Variants in HERC6 observed in about 807,000 individuals in gnomAD.
The protein encoded by HERC6 is probable E3 ubiquitin-protein ligase HERC6.
A neutral mutation model predicts 114.5 loss-of-function variants in HERC6; 101 were observed. The observed-to-expected ratio is 0.88, with a 90% CI of 0.75 to 1.04. The LOEUF (loss-of-function observed/expected upper bound fraction) is 1.04. Among genes scored for constraint, HERC6 ranks in the 50% least tolerant of loss-of-function variants. HERC6 has a pLI of 0.00. For missense variants in HERC6, 1,133 were observed against 1,230.9 expected (o/e 0.92, Z 1.19); for synonymous variants, 408 against 436.2 (o/e 0.94, Z 0.81).
chr4:88,387,998 C>G, intron 3 of HERC6, among the ~76,000 whole-genome samples: 1 of 152,080 alleles, frequency 6.6e-6, no homozygotes, highest in Non-Finnish European at 1.5e-5. Flanking sequence ...TTGCATTTTG[C>G]CCTCAAAATT....
Position 88,413,353 on chromosome 4 carries a change from C to T in HERC6, c.1558+87C>T. On this transcript the variant is annotated intron_variant, in intron 12 of 22. Coordinates refer to ENST00000264346, the MANE Select transcript of HERC6 (RefSeq NM_017912.4). ...GTAGCAAATTTTGAATAGAAGATTTCAAAATAGACAAGTATTTGAGAACAT... is the reference window on the plus strand; with the variant it reads ...GTAGCAAATTTTGAATAGAAGATTTTAAAATAGACAAGTATTTGAGAACAT... 4 of 835,222 alleles carry T rather than the reference C, an allele frequency of 4.8e-6. No homozygotes were observed. In the South Asian group the frequency reaches 5.2e-5, roughly 11 times the overall value. The allele number at this position is 835,222 out of a possible 1,614,324, so 51.7% of individuals were successfully genotyped here.
intron 3 of HERC6, among the ~76,000 whole-genome samples, chr4:88,387,534 C>T (rs929894183): frequency 6.6e-6 from 1 of 152,192 alleles, no homozygotes; most frequent in Admixed American, 6.5e-5. Context: ...GGATTTGAAC[C>T]TATAGTGTTT....
At chr4:88,391,434 T>G (rs978498276) in intron 4 of HERC6, among the ~76,000 whole-genome samples, 2 of 152,242 alleles carry the variant, frequency 1.3e-5, no homozygotes, top group African/African-American at 2.4e-5. Context: ...TCGGTTTCCG[T>G]AACTTCACTC....
intron 11 of HERC6, 112 bp downstream of exon 11, chr4:88,408,729 G>A (rs999805479): frequency 2.5e-5 from 18 of 732,110 alleles, no homozygotes; most frequent in Admixed American, 1.0e-4. Context: ...AGTTCTTCCT[G>A]CCCACTGCAG....
At chr4:88,440,331 A>G in intron 22 of HERC6, 81 bp downstream of exon 22, 1 of 831,590 alleles carries the variant, frequency 1.2e-6, no homozygotes, top group Non-Finnish European at 1.9e-6. Context: ...AAGCCATTGA[A>G]GTGGCCTCAT....
At position 88,401,349 on chromosome 4, in the gene HERC6, C is replaced by T. The variant is rs865928698; in HGVS notation, c.1092+3140C>T. 1.5e-4 allele frequency among the ~76,000 whole-genome samples: 22 copies of T among 151,654 alleles called. No individual in the cohort carries two copies. The Middle Eastern group carries it at 0.017, about 117-fold the overall frequency. On this transcript the variant is annotated intron_variant, in intron 8 of 22. Coordinates refer to ENST00000264346, the MANE Select transcript of HERC6 (RefSeq NM_017912.4). Reference sequence around the variant, plus strand: ...CTCTACTAAAAATACAAAAATTAGCCGGGTGTGGTGGAGGGCACCTGTAAT... The same window carrying T: ...CTCTACTAAAAATACAAAAATTAGCTGGGTGTGGTGGAGGGCACCTGTAAT...
rs778673979 is a variant in HERC6 at position 88,408,517 on chromosome 4, T to C, written c.1275-7T>C. 35 of 1,565,564 alleles carry C rather than the reference T, an allele frequency of 2.2e-5. No homozygotes were observed. The highest frequency in any genetic ancestry group is 1.8e-5 in the Non-Finnish European group (21 of 1,144,566). ...TATGTGGTTTCTTGCATTTCTTGTA[T>C]CCAAAGAGGAACTGGAGAAACGACT... On this transcript the variant is annotated splice_polypyrimidine_tract_variant and splice_region_variant and intron_variant, in intron 10 of 22. Transcript: ENST00000264346.
At position 88,396,125 on chromosome 4, in the gene HERC6, G is replaced by T; in HGVS notation, c.870G>T (p.Ser290=). ...TGGAAAGAATTGATGGCCTAGTTTC[G>T]CAGATAGATTGTGGAAGGTAATAGG... ...QLVERIDGLV[S]QIDCGSYHTL... Residue 290 remains serine, a synonymous_variant, in exon 6 of 23, where the codon TCG becomes TCT. Coordinates refer to ENST00000264346, the MANE Select transcript of HERC6 (RefSeq NM_017912.4). The T allele has an allele frequency of 6.3e-7, 1 of 1,599,074 alleles. No homozygotes were observed. Among genetic ancestry groups the T allele is most frequent in the Non-Finnish European group, 8.5e-7 (1 of 1,173,032 alleles).
Position 88,404,964 on chromosome 4 carries a change from AAAG to A in HERC6, c.1188_1190del (p.Arg396del), listed in dbSNP as rs769538935. ...ATGGCAGAAAAATGGATAGCAGTGA[AAAG>A]AAGAAGTACTGAACATGAAATGGCT... On this transcript the variant is annotated inframe_deletion, in exon 9 of 23. Coordinates refer to ENST00000264346, the MANE Select transcript of HERC6 (RefSeq NM_017912.4). The A allele has an allele frequency of 2.3e-5, 37 of 1,613,822 alleles. 1 individual carries two copies. In the Admixed American group the frequency reaches 3.0e-4, roughly 13 times the overall value.
At chr4:88,397,052 G>C in intron 7 of HERC6, 65 bp downstream of exon 7, 2 of 1,440,862 alleles carry the variant, frequency 1.4e-6, no homozygotes, top group South Asian at 1.4e-5. Context: ...CTAGTATTCA[G>C]CTTCCTTTCA....
At chr4:88,437,358 C>T (rs984294167) in intron 19 of HERC6, among the ~76,000 whole-genome samples, 1 of 151,834 alleles carries the variant, frequency 6.6e-6, no homozygotes, top group African/African-American at 2.4e-5. Flanking sequence ...TGCCTGGCCC[C>T]TGGGATCCCT....
In HERC6 at chr4:88,425,215, A is replaced by T. The variant is rs368620714; in HGVS notation, c.1935+513A>T. Among the ~76,000 whole-genome samples the T allele has an allele frequency of 7.9e-4, 121 of 152,296 alleles. 1 individual carries two copies. Among genetic ancestry groups the T allele is most frequent in the African/African-American group, 2.7e-3 (113 of 41,560 alleles). Reference sequence around the variant, plus strand: ...TTAATTCCTATCCCTTTAATTATCAAATGTTGCCAAATTACCCTCTATAGA... The same window carrying T: ...TTAATTCCTATCCCTTTAATTATCATATGTTGCCAAATTACCCTCTATAGA... On this transcript the variant is annotated intron_variant, in intron 15 of 22. Coordinates refer to ENST00000264346, the MANE Select transcript of HERC6 (RefSeq NM_017912.4).
chr4:88,398,222 C>A lies in HERC6; in HGVS notation c.1092+13C>A. 1 of 1,511,396 alleles carries A rather than the reference C, an allele frequency of 6.6e-7. No homozygotes were observed. Among genetic ancestry groups the A allele is most frequent in the Non-Finnish European group, 8.9e-7 (1 of 1,122,918 alleles). The allele number at this position is 1,511,396 out of a possible 1,614,324, so 93.6% of individuals were successfully genotyped here. A position where few individuals can be genotyped will look rare whatever the true frequency, so the allele number is the denominator to read the frequency against. ...GACAACTCATCAGGTATCTATTATACTTTTTGTTCCTCTTAAAAATTATTT... is the reference window on the plus strand; with the variant it reads ...GACAACTCATCAGGTATCTATTATAATTTTTGTTCCTCTTAAAAATTATTT... On this transcript the variant is annotated intron_variant, in intron 8 of 22. Transcript: ENST00000264346.
chr4:88,386,436 C>A (rs749563235), intron 3 of HERC6, among the ~76,000 whole-genome samples: 21 of 152,024 alleles, frequency 1.4e-4, no homozygotes, highest in Admixed American at 2.6e-4. Context: ...GAACTCCTGA[C>A]CTCAAGTGAT....
chr4:88,411,660 A>G (rs1362551462), intron 11 of HERC6, among the ~76,000 whole-genome samples: 1 of 152,214 alleles, frequency 6.6e-6, no homozygotes, highest in African/African-American at 2.4e-5. Context: ...AACAACTTTG[A>G]AATCCCAGTA....
chr4:88,396,845 C>T lies in HERC6; in HGVS notation c.888-6C>T, dbSNP rs750123539. On this transcript the variant is annotated splice_region_variant and splice_polypyrimidine_tract_variant and intron_variant, in intron 6 of 22. Transcript: ENST00000264346. The stretch of plus-strand genomic sequence containing the variant: ...TCTTCATTATGGTGTATTCTCTTTC[C>T]TGTAGTTATCACACCCTGGCATATG... 1.9e-6 allele frequency: 3 copies of T among 1,560,640 alleles called. No individual in the cohort carries two copies. The highest frequency in any genetic ancestry group is 1.7e-4 in the Middle Eastern group (1 of 5,806).
chr4:88,417,600 A>G, intron 13 of HERC6, 21 bp downstream of exon 13: 1 of 1,594,888 alleles, frequency 6.3e-7, no homozygotes, highest in Non-Finnish European at 8.6e-7. Flanking sequence ...CTCTAAAGGA[A>G]TGCATGTACT....
chr4:88,440,031 G>A lies in HERC6; in HGVS notation c.2713G>A (p.Asp905Asn). The A allele has an allele frequency of 1.2e-6, 2 of 1,610,190 alleles. No individual in the cohort carries two copies. Among genetic ancestry groups the A allele is most frequent in the Non-Finnish European group, 1.7e-6 (2 of 1,178,954 alleles). The change falls in exon 21 of 23, where the codon GAT (aspartate) becomes AAT (asparagine). Residue 905 changes from aspartate to asparagine, a missense_variant. Transcript: ENST00000264346. ...ELMTAIIGNT[D>N]YDWKQFEQNS... ...AATGACAGCAATCATTGGAAATACT[G>A]ATTATGACTGGAAACAGTTTGAACA...
chr4:88,388,241 G>C (rs1734695086), intron 3 of HERC6, among the ~76,000 whole-genome samples: 1 of 151,880 alleles, frequency 6.6e-6, no homozygotes, highest in Admixed American at 6.6e-5. Context: ...AGCCAACATG[G>C]TGAAACCCTG....
Sources: allele counts gnomAD v4.1 joint callset (sites outside exome capture counted in the v4.1 genomes callset), GRCh38; gene constraint gnomAD v4.1.1; transcripts MANE v1.5; gene names NCBI Gene and HGNC (gene_info 2026-07-23, HGNC 2026-07-21).